Variants in UBAC2 observed in about 807,000 individuals in gnomAD.
UBAC2 encodes the protein ubiquitin-associated domain-containing protein 2.
A neutral mutation model predicts 44.0 loss-of-function variants in UBAC2; 26 were observed. That is an observed-to-expected ratio of 0.59 (90% CI 0.43 to 0.82). The LOEUF (loss-of-function observed/expected upper bound fraction) is 0.82, where lower values mean the gene tolerates loss of function less well. Ranked by LOEUF, UBAC2 falls within the 40% of genes least tolerant of loss-of-function variation. The pLI, the probability that UBAC2 is intolerant of heterozygous loss-of-function variation, is 0.00. For missense variants in UBAC2, 329 were observed against 419.4 expected (o/e 0.78, Z 1.88); for synonymous variants, 155 against 154.3 (o/e 1.00, Z -0.04).
intron 7 of UBAC2, among the ~76,000 whole-genome samples, chr13:99,359,482 T>A (rs1353487650): frequency 6.6e-6 from 1 of 152,204 alleles, no homozygotes; most frequent in Non-Finnish European, 1.5e-5. Context: ...TCATCCCCTT[T>A]GTCAGAGACT....
intron 4 of UBAC2, among the ~76,000 whole-genome samples, chr13:99,300,440 T>C (rs1205654288): frequency 1.3e-5 from 2 of 152,252 alleles, no homozygotes; most frequent in Non-Finnish European, 2.9e-5. Context: ...AATGTGGTAG[T>C]TTTAGCCAAT....
intron 4 of UBAC2, among the ~76,000 whole-genome samples, chr13:99,279,237 G>A (rs1387045202): frequency 6.6e-6 from 1 of 152,054 alleles, no homozygotes; most frequent in Non-Finnish European, 1.5e-5. Context: ...CCCTACCGGG[G>A]ATTTTAGTAA....
chr13:99,217,381 T>TC (rs2043009173), intron 1 of UBAC2, among the ~76,000 whole-genome samples: 1 of 152,198 alleles, frequency 6.6e-6, no homozygotes, highest in Non-Finnish European at 1.5e-5. Flanking sequence ...CTTGGGTTTC[T>TC]CCACCATGCA....
intron 4 of UBAC2, among the ~76,000 whole-genome samples, chr13:99,260,465 C>T (rs899837710): frequency 2.0e-5 from 3 of 152,128 alleles, no homozygotes; most frequent in Non-Finnish European, 4.4e-5. Flanking sequence ...GGCAGGGACA[C>T]TTTGACCAGC....
Position 99,309,170 on chromosome 13 carries a change from G to C in UBAC2, c.390-4927G>C, listed in dbSNP as rs563912252. Among the ~76,000 whole-genome samples the C allele has an allele frequency of 2.6e-5, 4 of 152,150 alleles. No individual in the cohort carries two copies. The East Asian group carries it at 7.7e-4, about 29-fold the overall frequency. On this transcript the variant is annotated intron_variant, in intron 4 of 8. Transcript: ENST00000403766. Reference sequence around the variant, plus strand: ...GCTCTCACCAGGCTGGAGTGCAGGGGTGTGCTGTCGGCTCACTGCAACCTC... The same window carrying C: ...GCTCTCACCAGGCTGGAGTGCAGGGCTGTGCTGTCGGCTCACTGCAACCTC...
intron 2 of UBAC2, among the ~76,000 whole-genome samples, chr13:99,242,046 G>C (rs1175188197): frequency 1.4e-5 from 2 of 147,996 alleles, no homozygotes; most frequent in African/African-American, 2.6e-5. Flanking sequence ...GAGAGCACAG[G>C]GTTGGGGGTA....
At chr13:99,320,127 T>A (rs149393440) in intron 6 of UBAC2, among the ~76,000 whole-genome samples, 1 of 152,344 alleles carries the variant, frequency 6.6e-6, no homozygotes, top group Non-Finnish European at 1.5e-5. Flanking sequence ...TCTTTCTTTA[T>A]TCTTTTTTTA....
chr13:99,357,485 C>G (rs2045204332), intron 7 of UBAC2, among the ~76,000 whole-genome samples: 1 of 152,212 alleles, frequency 6.6e-6, no homozygotes, highest in Non-Finnish European at 1.5e-5. Context: ...TCACAGCCTC[C>G]TTATCTGGCC....
chr13:99,266,936 G>T (rs1041255430), intron 4 of UBAC2, among the ~76,000 whole-genome samples: 3 of 152,076 alleles, frequency 2.0e-5, no homozygotes, highest in Admixed American at 2.0e-4. Flanking sequence ...TTGGGGAATG[G>T]CTGTATCGTT....
intron 7 of UBAC2, among the ~76,000 whole-genome samples, chr13:99,343,379 C>T (rs558902283): frequency 2.6e-5 from 4 of 152,222 alleles, no homozygotes; most frequent in African/African-American, 9.6e-5. Flanking sequence ...TGTCTTTCCC[C>T]CCAGATACTT....
intron 7 of UBAC2, chr13:99,356,102 C>G: frequency 1.9e-6 from 1 of 513,974 alleles, no homozygotes; most frequent in Non-Finnish European, 4.1e-6. Flanking sequence ...TTAAAGTAAA[C>G]AAGACTTGGG....
At chr13:99,298,515 C>T (rs2044210170) in intron 4 of UBAC2, among the ~76,000 whole-genome samples, 1 of 151,978 alleles carries the variant, frequency 6.6e-6, no homozygotes, top group African/African-American at 2.4e-5. Flanking sequence ...GATATAAAGC[C>T]TTGAATGCAT....
chr13:99,234,171 C>CTTTTTTTT lies in UBAC2; in HGVS notation c.32-4234_32-4227dup, dbSNP rs773370310. 1.8e-4 allele frequency among the ~76,000 whole-genome samples: 11 copies of CTTTTTTTT among 61,712 alleles called. 1 individual carries two copies. Among genetic ancestry groups the CTTTTTTTT allele is most frequent in the Non-Finnish European group, 2.5e-4 (9 of 35,890 alleles). The allele number at this position is 61,712 out of a possible 152,430, so 40.5% of individuals were successfully genotyped here. A position where few individuals can be genotyped will look rare whatever the true frequency, so the allele number is the denominator to read the frequency against. ...GGGCCGGACATTGTGCTAGCCGTTT[C>CTTTTTTTT]TTTTTTTTTTTTTTTTTTTTTTTTT... On this transcript the variant is annotated intron_variant, in intron 1 of 8. Coordinates refer to ENST00000403766, the MANE Select transcript of UBAC2 (RefSeq NM_001144072.2).
chr13:99,327,504 T>TG (rs2044656031), intron 6 of UBAC2, among the ~76,000 whole-genome samples: 4 of 150,360 alleles, frequency 2.7e-5, no homozygotes, highest in African/African-American at 7.3e-5. Flanking sequence ...GTGTGTGTGT[T>TG]TAAGTGTCCA....
intron 6 of UBAC2, among the ~76,000 whole-genome samples, chr13:99,328,119 T>C (rs2044665448): frequency 1.3e-5 from 2 of 152,258 alleles, no homozygotes; most frequent in Admixed American, 1.3e-4. Context: ...TTTTGTGTTT[T>C]ACTTCTTTCA....
intron 7 of UBAC2, chr13:99,351,325 A>G: frequency 2.9e-6 from 1 of 339,028 alleles, no homozygotes; most frequent in Admixed American, 4.0e-5. Context: ...AACAGTCAGC[A>G]GGTGATGGCC....
intron 8 of UBAC2, chr13:99,372,452 A>G (rs1345938594): frequency 6.5e-6 from 1 of 153,178 alleles, no homozygotes; most frequent in Non-Finnish European, 1.5e-5. Flanking sequence ...CCCAAAGACC[A>G]CTGCCTGTTC....
rs114763803 is a variant in UBAC2, at chr13:99,306,801, T to A, written c.390-7296T>A. On this transcript the variant is annotated intron_variant, in intron 4 of 8. Transcript: ENST00000403766. ...ATTTAAAAAGCAAAGATTGGTACTC[T>A]TTGCTGGCGGGAGGGTAAATTGGTA... Among the ~76,000 whole-genome samples, 969 of 152,256 alleles carry A rather than the reference T, an allele frequency of 6.4e-3. 7 individuals carry two copies. Among genetic ancestry groups the A allele is most frequent in the African/African-American group, 0.023 (940 of 41,538 alleles).
intron 4 of UBAC2, among the ~76,000 whole-genome samples, chr13:99,265,229 C>T (rs541312844): frequency 1.3e-5 from 2 of 152,264 alleles, no homozygotes; most frequent in African/African-American, 4.8e-5. Context: ...ATTGCTAATA[C>T]CATTTGTATG....
Sources: gnomAD v4.1 joint callset for allele counts (sites outside exome capture counted in the v4.1 genomes callset) on GRCh38, gnomAD v4.1.1 for gene constraint, MANE v1.5 for transcripts, NCBI Gene and HGNC (gene_info 2026-07-23, HGNC 2026-07-21) for gene names.